RASAL2: variants seen among roughly 807,000 people sequenced by gnomAD.
RASAL2 encodes ras GTPase-activating protein nGAP.
Under a neutral mutation model 128.9 loss-of-function variants are expected in RASAL2, and 58 were observed. The ratio of observed to expected loss-of-function variants is 0.45; its 90% CI spans 0.36 to 0.56. The LOEUF is 0.56. Among genes scored for constraint, RASAL2 ranks in the 20% least tolerant of loss-of-function variants. RASAL2 has a pLI of 0.00. For missense variants in RASAL2, 1,360 were observed against 1,601.6 expected, an observed-to-expected ratio of 0.85 and a Z score of 2.57; for synonymous variants, 561 against 580.8, an observed-to-expected ratio of 0.97 and a Z score of 0.49.
At chr1:178,452,761 CTG>C in intron 11 of RASAL2, 109 bp downstream of exon 11, 1 of 860,696 alleles carries the variant, frequency 1.2e-6, no homozygotes, top group Non-Finnish European at 1.8e-6. Context: ...CAGATTTTCA[CTG>C]TGTTATTAAT....
chr1:178,247,616 G>T (rs1664833529), intron 1 of RASAL2, among the ~76,000 whole-genome samples: 1 of 151,990 alleles, frequency 6.6e-6, no homozygotes, highest in African/African-American at 2.4e-5. Flanking sequence ...GCTGGCTTTT[G>T]AATTTGTTTT....
chr1:178,159,306 C>T (rs184975471), intron 1 of RASAL2, among the ~76,000 whole-genome samples: 1 of 152,150 alleles, frequency 6.6e-6, no homozygotes, highest in African/African-American at 2.4e-5. Flanking sequence ...GTGATAACAC[C>T]GTAGCATCCA....
intron 3 of RASAL2, among the ~76,000 whole-genome samples, chr1:178,389,510 G>A (rs1434344252): frequency 6.6e-6 from 1 of 152,174 alleles, no homozygotes; most frequent in Admixed American, 6.5e-5. Context: ...TCCAGAGTAA[G>A]ATCTTAGTAA....
intron 1 of RASAL2, among the ~76,000 whole-genome samples, chr1:178,187,968 G>T (rs1010952126): frequency 3.3e-5 from 5 of 152,000 alleles, no homozygotes; most frequent in Non-Finnish European, 5.9e-5. Context: ...TAATACCAAT[G>T]TGTAACCCTT....
intron 4 of RASAL2, among the ~76,000 whole-genome samples, chr1:178,412,788 A>AT (rs1674482475): frequency 6.6e-6 from 1 of 152,178 alleles, no homozygotes; most frequent in Non-Finnish European, 1.5e-5. Context: ...AGTTTGAGAG[A>AT]TAAAAACTGT....
intron 3 of RASAL2, among the ~76,000 whole-genome samples, chr1:178,334,824 G>A (rs1169533233): frequency 1.3e-5 from 2 of 152,160 alleles, no homozygotes; most frequent in Non-Finnish European, 2.9e-5. Flanking sequence ...TGGATGTGGT[G>A]CTGTGCACCT....
intron 1 of RASAL2, among the ~76,000 whole-genome samples, chr1:178,280,135 T>C (rs1209361919): frequency 1.3e-5 from 2 of 151,874 alleles, no homozygotes; most frequent in Non-Finnish European, 2.9e-5. Context: ...AGGTTTGGTA[T>C]AGTATTAACG....
chr1:178,477,824 G>T lies in RASAL2; in HGVS notation c.*4585G>T, dbSNP rs1179472207. 6.6e-6 allele frequency: 1 copy of T among 152,114 alleles called. No individual in the cohort carries two copies. The highest frequency in any genetic ancestry group is 1.5e-5 in the Non-Finnish European group (1 of 68,032). 9.4% of individuals were successfully genotyped at this position (152,114 alleles called of 1,614,324 possible). A position where few individuals can be genotyped will look rare whatever the true frequency, so the allele number is the denominator to read the frequency against. On this transcript the variant is annotated 3_prime_UTR_variant, in exon 18 of 18. Coordinates refer to ENST00000367649, the MANE Select transcript of RASAL2 (RefSeq NM_170692.4). Reference sequence around the variant, plus strand: ...AAAAAATGTACTATATGTGTTATATGTATATATAAGTTAAAGCAACTTGAA... The same window carrying T: ...AAAAAATGTACTATATGTGTTATATTTATATATAAGTTAAAGCAACTTGAA...
chr1:178,116,696 A>T (rs1571496817), intron 1 of RASAL2, among the ~76,000 whole-genome samples: 1 of 151,888 alleles, frequency 6.6e-6, no homozygotes. Context: ...TGCAATCTTC[A>T]CCTCCTGCGT....
intron 3 of RASAL2, among the ~76,000 whole-genome samples, chr1:178,340,992 T>G (rs1273464022): frequency 2.0e-5 from 3 of 152,206 alleles, no homozygotes; most frequent in Admixed American, 2.0e-4. Flanking sequence ...TTTAGATATT[T>G]CCGTTATGGT....
intron 1 of RASAL2, among the ~76,000 whole-genome samples, chr1:178,226,027 G>C (rs1214016098): frequency 6.6e-6 from 1 of 152,124 alleles, no homozygotes; most frequent in Admixed American, 6.5e-5. Context: ...CTCTTTTGGT[G>C]AACTTGACTG....
At chr1:178,154,654 T>C (rs1031352599) in intron 1 of RASAL2, among the ~76,000 whole-genome samples, 5 of 152,222 alleles carry the variant, frequency 3.3e-5, no homozygotes, top group South Asian at 2.1e-4. Context: ...TGATGACTAA[T>C]TAAGTTGAAC....
intron 1 of RASAL2, among the ~76,000 whole-genome samples, chr1:178,217,950 C>G (rs547600783): frequency 6.6e-6 from 1 of 152,256 alleles, no homozygotes; most frequent in East Asian, 1.9e-4. Flanking sequence ...CAAATTCTTC[C>G]ACTGCTATAT....
intron 3 of RASAL2, among the ~76,000 whole-genome samples, chr1:178,325,655 A>G (rs1272716326): frequency 1.3e-5 from 2 of 152,236 alleles, no homozygotes; most frequent in Non-Finnish European, 2.9e-5. Flanking sequence ...AGAAAGTTTC[A>G]TAGTGGTAGA....
At chr1:178,309,329 C>T (rs1359643865) in intron 3 of RASAL2, among the ~76,000 whole-genome samples, 1 of 152,098 alleles carries the variant, frequency 6.6e-6, no homozygotes, top group Non-Finnish European at 1.5e-5. Flanking sequence ...CACATTAAAA[C>T]AGCTGCATAA....
intron 1 of RASAL2, among the ~76,000 whole-genome samples, chr1:178,253,541 G>T (rs1375604168): frequency 3.3e-5 from 5 of 152,164 alleles, no homozygotes; most frequent in African/African-American, 1.2e-4. Context: ...GAACAATAAG[G>T]CTGTTTATTT....
At chr1:178,290,912 G>A (rs554819960) in intron 2 of RASAL2, among the ~76,000 whole-genome samples, 78 of 152,174 alleles carry the variant, frequency 5.1e-4, no homozygotes, top group Admixed American at 1.5e-3. Flanking sequence ...TCCTGACCTC[G>A]TGATCCGCCT....
chr1:178,232,330 A>G (rs1334613686), intron 1 of RASAL2, among the ~76,000 whole-genome samples: 1 of 152,156 alleles, frequency 6.6e-6, no homozygotes, highest in East Asian at 1.9e-4. Context: ...TTAAAGTTGT[A>G]AGGAGCACAA....
chr1:178,274,270 A>T (rs2102182656), intron 1 of RASAL2, among the ~76,000 whole-genome samples: 1 of 152,086 alleles, frequency 6.6e-6, no homozygotes, highest in East Asian at 1.9e-4. Context: ...GTCTGAGTTC[A>T]CTCTTTTTCA....
Sources: allele counts gnomAD v4.1 joint callset (sites outside exome capture counted in the v4.1 genomes callset), GRCh38; gene constraint gnomAD v4.1.1; transcripts MANE v1.5; gene names NCBI Gene and HGNC (gene_info 2026-07-23, HGNC 2026-07-21).